NFIB: variants seen among roughly 807,000 people sequenced by gnomAD.
NFIB encodes the protein nuclear factor I B.
NFIB carries 11 observed loss-of-function variants against 61.5 expected under a neutral mutation model. That is an observed-to-expected ratio of 0.18 (90% confidence interval 0.11 to 0.30). The LOEUF is 0.30. NFIB is among the 10% of genes least tolerant of loss of function. NFIB has a pLI of 1.00. For synonymous variants in NFIB, 260 were observed against 216.5 expected (o/e 1.20, Z -1.76); for missense variants, 471 against 608.9 (o/e 0.77, Z 2.38).
chr9:14,325,576 G>C (rs908573454), intron 1 of NFIB, among the ~76,000 whole-genome samples: 1 of 151,992 alleles, frequency 6.6e-6, no homozygotes, highest in Non-Finnish European at 1.5e-5. Context: ...CAGTAATTTT[G>C]AGTCATTACC....
rs147328278 is a variant in NFIB at position 14,337,817 on chromosome 9, A to G, written c.109-30297T>C. 4.6e-3 allele frequency among the ~76,000 whole-genome samples: 703 copies of G among 152,314 alleles called. 2 individuals are homozygous for G. Among genetic ancestry groups the G allele is most frequent in the Middle Eastern group, 0.01 (3 of 294 alleles). On this transcript the variant is annotated intron_variant, in intron 1 of 8. Transcript: ENST00000380934. ...TTTCTTTTCAGTTTACTTTTGTTTC[A>G]GACACTGATGCTGTCTGCCAAATTC... is the stretch of plus-strand genomic sequence containing the variant.
rs150490102 is a variant in NFIB, at chr9:14,181,522, C to T, written c.563-1742G>A. 7.7e-3 allele frequency among the ~76,000 whole-genome samples: 1,166 copies of T among 152,286 alleles called. 13 individuals are homozygous for T. The highest frequency in any genetic ancestry group is 0.044 in the Middle Eastern group (13 of 294). On this transcript the variant is annotated intron_variant, in intron 2 of 10. Transcript: ENST00000380953. The stretch of plus-strand genomic sequence containing the variant: ...AATTAGGAGATCAATCTTCTTCGTT[C>T]TACATTCCTTTAAAAAACTGGTACA...
intron 1 of NFIB, among the ~76,000 whole-genome samples, chr9:14,373,271 A>C (rs964839800): frequency 1.3e-5 from 2 of 152,228 alleles, no homozygotes; most frequent in African/African-American, 4.8e-5. Context: ...TTCTTTTTAC[A>C]GTGGTGTGAA....
chr9:14,486,346 C>A, the NFIB span, among the ~76,000 whole-genome samples: 1 of 152,032 alleles, frequency 6.6e-6, no homozygotes. Flanking sequence ...ATGTCATCAA[C>A]GGAGACAAGG....
Position 14,353,966 on chromosome 9 carries a change from G to A in NFIB, c.108+44558C>T, listed in dbSNP as rs141958800. On this transcript the variant is annotated intron_variant, in intron 1 of 8. Transcript: ENST00000380934. The stretch of plus-strand genomic sequence containing the variant: ...TCTGAAAGAAAAGACCTGCATTTTA[G>A]GTGGAGAGCTGATCTGGGGCAAATC... 5.9e-5 allele frequency among the ~76,000 whole-genome samples: 9 copies of A among 151,498 alleles called. No individual in the cohort carries two copies. The East Asian group carries it at 1.8e-3, about 30-fold the overall frequency.
At chr9:14,317,457 T>G (rs1401883040), upstream of NFIB, 1 of 152,252 alleles carries the variant, frequency 6.6e-6, no homozygotes, top group Non-Finnish European at 1.5e-5. Flanking sequence ...GGTTGCACTT[T>G]GATGACCATA....
chr9:14,272,090 T>C (rs1193044649), intron 2 of NFIB, among the ~76,000 whole-genome samples: 1 of 152,156 alleles, frequency 6.6e-6, no homozygotes, highest in African/African-American at 2.4e-5. Context: ...CATGTAACAG[T>C]ATATCTCGTG....
At chr9:14,131,504 A>T (rs1302430537) in intron 6 of NFIB, among the ~76,000 whole-genome samples, 1 of 152,200 alleles carries the variant, frequency 6.6e-6, no homozygotes, top group Non-Finnish European at 1.5e-5. Flanking sequence ...TCTACAAAGG[A>T]AGAGAGTCGC....
intron 1 of NFIB, among the ~76,000 whole-genome samples, chr9:14,329,609 G>C (rs534088273): frequency 2.6e-5 from 4 of 151,950 alleles, no homozygotes; most frequent in East Asian, 2.0e-4. Flanking sequence ...CCACCTCCCA[G>C]GTTCAAGCAA....
At chr9:14,193,785 C>G (rs1327025572) in intron 2 of NFIB, among the ~76,000 whole-genome samples, 2 of 152,104 alleles carry the variant, frequency 1.3e-5, no homozygotes, top group African/African-American at 2.4e-5. Flanking sequence ...TTAAACTGTG[C>G]TAGATAACAG....
the NFIB span, among the ~76,000 whole-genome samples, chr9:14,508,745 C>T: frequency 6.6e-6 from 1 of 152,232 alleles, no homozygotes; most frequent in African/African-American, 2.4e-5. Context: ...TTTCCTTGGA[C>T]TCCATAAACC....
intron 2 of NFIB, among the ~76,000 whole-genome samples, chr9:14,276,985 G>T (rs117307033): frequency 6.6e-6 from 1 of 151,974 alleles, no homozygotes; most frequent in Admixed American, 6.6e-5. Context: ...ATGGTGCTAC[G>T]AAGAACTTTT....
At chr9:14,434,152 ATTAT>A in the NFIB span, among the ~76,000 whole-genome samples, 1 of 152,228 alleles carries the variant, frequency 6.6e-6, no homozygotes, top group Non-Finnish European at 1.5e-5. Flanking sequence ...GTAATTTCTA[ATTAT>A]TTAGAGGAAC....
chr9:14,342,630 C>G (rs2060965655), intron 1 of NFIB, among the ~76,000 whole-genome samples: 1 of 152,120 alleles, frequency 6.6e-6, no homozygotes, highest in South Asian at 2.1e-4. Flanking sequence ...AAGAGAACCC[C>G]AACTGTGAGG....
At chr9:14,135,800 C>A (rs1387988350) in intron 6 of NFIB, among the ~76,000 whole-genome samples, 1 of 152,068 alleles carries the variant, frequency 6.6e-6, no homozygotes, top group Admixed American at 6.6e-5. Flanking sequence ...TTTATGAAAT[C>A]AGTTCCTTTT....
intron 1 of NFIB, among the ~76,000 whole-genome samples, chr9:14,328,074 G>C (rs1052709316): frequency 6.6e-6 from 1 of 152,174 alleles, no homozygotes; most frequent in African/African-American, 2.4e-5. Context: ...AGAAATACAA[G>C]TTTTAGGAAC....
the NFIB span, among the ~76,000 whole-genome samples, chr9:14,452,990 T>C: frequency 2.6e-5 from 4 of 152,346 alleles, no homozygotes; most frequent in Middle Eastern, 3.4e-3. Flanking sequence ...GATTTGTCTT[T>C]TTCCACTTTG....
At chr9:14,391,166 T>C (rs1363182717) in intron 1 of NFIB, among the ~76,000 whole-genome samples, 1 of 152,164 alleles carries the variant, frequency 6.6e-6, no homozygotes, top group Non-Finnish European at 1.5e-5. Context: ...AGTAACTTTT[T>C]AGCGGAGAAA....
At chr9:14,242,472 T>C (rs114965256) in intron 2 of NFIB, among the ~76,000 whole-genome samples, 42 of 152,344 alleles carry the variant, frequency 2.8e-4, no homozygotes, top group African/African-American at 9.6e-4. Context: ...CCTTGTTCTA[T>C]ACATCAGAGA....
Sources: allele counts gnomAD v4.1 joint callset (sites outside exome capture counted in the v4.1 genomes callset), GRCh38; gene constraint gnomAD v4.1.1; transcripts MANE v1.5; gene names NCBI Gene and HGNC (gene_info 2026-07-23, HGNC 2026-07-21).